The following KCNQ3 variants were observed in gnomAD, a reference collection of about 807,000 sequenced individuals.
The protein encoded by KCNQ3 is potassium voltage-gated channel subfamily KQT member 3.
KCNQ3 carries 30 observed loss-of-function variants against 92.5 expected under a neutral mutation model. The observed-to-expected ratio is 0.32, with a 90% CI of 0.24 to 0.44. KCNQ3 has a LOEUF of 0.44. Ranked by LOEUF, KCNQ3 falls within the 20% of genes least tolerant of loss-of-function variation. The pLI, the probability that KCNQ3 is intolerant of heterozygous loss-of-function variation, is 1.00. For missense variants in KCNQ3, 913 were observed against 1,140.3 expected (o/e 0.80, Z 2.87); for synonymous variants, 450 against 468.8 (o/e 0.96, Z 0.52).
intron 1 of KCNQ3, among the ~76,000 whole-genome samples, chr8:132,237,556 G>T (rs1025996973): frequency 2.0e-5 from 3 of 152,140 alleles, no homozygotes; most frequent in Non-Finnish European, 4.4e-5. Context: ...CAACCCACTT[G>T]GTGCTGGCCC....
intron 1 of KCNQ3, among the ~76,000 whole-genome samples, chr8:132,187,723 G>A (rs558373269): frequency 1.3e-5 from 2 of 150,020 alleles, no homozygotes; most frequent in Non-Finnish European, 1.5e-5. Flanking sequence ...GGTGGTGATG[G>A]TGGTGATAGT....
At position 132,438,752 on chromosome 8, in the gene KCNQ3, G is replaced by C. The variant is rs73347740; in HGVS notation, c.386+41395C>G. Among the ~76,000 whole-genome samples, 13 of 152,042 alleles carry C rather than the reference G, an allele frequency of 8.6e-5. No homozygotes were observed. In the South Asian group the frequency reaches 1.9e-3, roughly 22 times the overall value. On this transcript the variant is annotated intron_variant, in intron 1 of 14. Transcript: ENST00000388996. ...GTCAATGAAAGGAAATGTGGTCAGC[G>C]TAAGACTCTCTAAGGATAGCTGCCG...
chr8:132,400,072 C>T (rs529887249), intron 1 of KCNQ3, among the ~76,000 whole-genome samples: 1 of 152,204 alleles, frequency 6.6e-6, no homozygotes, highest in Admixed American at 6.5e-5. Flanking sequence ...GCAAAGACAC[C>T]TAGGCAGACC....
chr8:132,302,214 G>A (rs895741321), intron 1 of KCNQ3, among the ~76,000 whole-genome samples: 1 of 152,184 alleles, frequency 6.6e-6, no homozygotes, highest in African/African-American at 2.4e-5. Context: ...AATGAAGCTG[G>A]AGCAGATGAA....
Position 132,184,337 on chromosome 8 carries a change from C to T in KCNQ3, c.508G>A (p.Glu170Lys), listed in dbSNP as rs1826889658. The T allele has an allele frequency of 1.2e-6, 2 of 1,614,104 alleles. No individual in the cohort carries two copies. Among genetic ancestry groups the T allele is most frequent in the Non-Finnish European group, 1.7e-6 (2 of 1,180,008 alleles). The change falls in exon 3 of 15, where the codon GAG (glutamate) becomes AAG (lysine). Residue 170 changes from glutamate to lysine, a missense_variant. Glu to Lys is a moderately conservative substitution (Grantham distance 56). Transcript: ENST00000388996. ...ETFAIFIFGAEFALRIWAAGC... is the reference protein window; with the variant it reads ...ETFAIFIFGAKFALRIWAAGC... ...GCAGCCCAGATCCTCAAAGCAAACT[C>T]GGCTCCAAAGATGAAAATAGCAAAT...
rs1205544685 is a variant in KCNQ3, at chr8:132,149,417, CCCCT to C, written c.1263-8090_1263-8087del. ...TCCTTTTGCCCACTAAGTTCCGTAA[CCCCT>C]CTCCCTTCAAAGTGTCTGCATGCCT... is the stretch of plus-strand genomic sequence containing the variant. On this transcript the variant is annotated intron_variant, in intron 9 of 14. Coordinates refer to ENST00000388996, the MANE Select transcript of KCNQ3 (RefSeq NM_004519.4). 2.6e-5 allele frequency among the ~76,000 whole-genome samples: 4 copies of C among 152,156 alleles called. No individual in the cohort carries two copies. In the South Asian group the frequency reaches 8.3e-4, roughly 32 times the overall value.
chr8:132,282,262 G>C (rs1046130949), intron 1 of KCNQ3, among the ~76,000 whole-genome samples: 1 of 152,184 alleles, frequency 6.6e-6, no homozygotes, highest in Admixed American at 6.5e-5. Context: ...GATCCTCTGA[G>C]AGTTTCTCTT....
intron 8 of KCNQ3, among the ~76,000 whole-genome samples, chr8:132,169,578 T>G (rs550329764): frequency 3.9e-5 from 6 of 152,320 alleles, no homozygotes; most frequent in Admixed American, 3.9e-4. Flanking sequence ...GAGTAGTCTG[T>G]GGGTGCAGGC....
intron 1 of KCNQ3, among the ~76,000 whole-genome samples, chr8:132,414,866 GA>G (rs1820753724): frequency 6.6e-6 from 1 of 152,232 alleles, no homozygotes. Flanking sequence ...ATGTAAATAA[GA>G]AATCAGAGGA....
At chr8:132,308,055 T>C (rs1817482744) in intron 1 of KCNQ3, among the ~76,000 whole-genome samples, 5 of 152,146 alleles carry the variant, frequency 3.3e-5, no homozygotes, top group Admixed American at 3.3e-4. Context: ...TCTGAGAGTT[T>C]TCAGTGTCAG....
At chr8:132,366,047 A>G (rs1388461349) in intron 1 of KCNQ3, among the ~76,000 whole-genome samples, 1 of 152,178 alleles carries the variant, frequency 6.6e-6, no homozygotes, top group Non-Finnish European at 1.5e-5. Context: ...CTATATTTAT[A>G]TTGAGATAAA....
At chr8:132,248,806 C>T (rs1815282276) in intron 1 of KCNQ3, among the ~76,000 whole-genome samples, 1 of 152,106 alleles carries the variant, frequency 6.6e-6, no homozygotes, top group Non-Finnish European at 1.5e-5. Context: ...TGTTTAGAGG[C>T]AATAAAGAGA....
chr8:132,444,859 T>C (rs918216413), intron 1 of KCNQ3, among the ~76,000 whole-genome samples: 1 of 152,172 alleles, frequency 6.6e-6, no homozygotes, highest in Non-Finnish European at 1.5e-5. Context: ...GAATAATAAT[T>C]CCTGCTCACT....
intron 1 of KCNQ3, among the ~76,000 whole-genome samples, chr8:132,303,133 T>G (rs1049439597): frequency 6.6e-6 from 1 of 152,182 alleles, no homozygotes; most frequent in African/African-American, 2.4e-5. Flanking sequence ...AGCAGAGATC[T>G]TGCTGATCTA....
chr8:132,427,973 C>T (rs116197087), intron 1 of KCNQ3, among the ~76,000 whole-genome samples: 2,692 of 152,290 alleles, frequency 0.018, 79 homozygotes, highest in African/African-American at 0.061. Context: ...ATACCCAAGT[C>T]TTATGCCTTC....
intron 1 of KCNQ3, among the ~76,000 whole-genome samples, chr8:132,301,275 C>A (rs1817208221): frequency 6.6e-6 from 1 of 152,162 alleles, no homozygotes; most frequent in African/African-American, 2.4e-5. Flanking sequence ...CGACTGTACG[C>A]CCATCTCATC....
intron 1 of KCNQ3, among the ~76,000 whole-genome samples, chr8:132,228,480 G>A (rs540523777): frequency 3.3e-5 from 5 of 152,256 alleles, no homozygotes; most frequent in South Asian, 2.1e-4. Context: ...CTTCCAAGGA[G>A]CTCAAAATTT....
intron 5 of KCNQ3, among the ~76,000 whole-genome samples, chr8:132,174,687 G>T (rs1194190374): frequency 6.6e-6 from 1 of 152,136 alleles, no homozygotes; most frequent in Non-Finnish European, 1.5e-5. Context: ...GAGTATATTT[G>T]TATGTATTGT....
chr8:132,431,198 C>G (rs1821241454), intron 1 of KCNQ3, among the ~76,000 whole-genome samples: 1 of 152,162 alleles, frequency 6.6e-6, no homozygotes, highest in African/African-American at 2.4e-5. Context: ...TCCCTACTCT[C>G]CCTAGGAGAG....
Sources: gnomAD v4.1 joint callset for allele counts (sites outside exome capture counted in the v4.1 genomes callset) on GRCh38, gnomAD v4.1.1 for gene constraint, MANE v1.5 for transcripts, NCBI Gene and HGNC (gene_info 2026-07-23, HGNC 2026-07-21) for gene names.